The following B3GLCT variants were observed in gnomAD, a reference collection of about 807,000 sequenced individuals.
The protein encoded by B3GLCT is beta-1,3-glucosyltransferase.
In B3GLCT, 65 loss-of-function variants were observed where a neutral mutation model predicts 63.4. The observed-to-expected ratio is 1.03, with a 90% CI of 0.84 to 1.26. The LOEUF is 1.26. Among genes scored for constraint, B3GLCT ranks in the 50% most tolerant of loss-of-function variants. The pLI, the probability that B3GLCT is intolerant of heterozygous loss-of-function variation, is 0.00. For synonymous variants in B3GLCT, 233 were observed against 219.2 expected (o/e 1.06, Z -0.55); for missense variants, 577 against 604.8 (o/e 0.95, Z 0.48).
In B3GLCT at chr13:31,329,752, T is replaced by G. The variant is rs1875821976; in HGVS notation, c.*84T>G. On this transcript the variant is annotated 3_prime_UTR_variant, in exon 15 of 15. Coordinates refer to ENST00000343307, the MANE Select transcript of B3GLCT (RefSeq NM_194318.4). The stretch of plus-strand genomic sequence containing the variant: ...TCCCACTGTGCTGTGCTCACAACAC[T>G]TGTGTCTGCCACATGGCATTGGGTG... 6.8e-7 allele frequency: 1 copy of G among 1,460,766 alleles called. No individual in the cohort carries two copies. Among genetic ancestry groups the G allele is most frequent in the Non-Finnish European group, 9.5e-7 (1 of 1,049,382 alleles). The allele number at this position is 1,460,766 out of a possible 1,614,324, so 90.5% of individuals were successfully genotyped here.
intron 2 of B3GLCT, among the ~76,000 whole-genome samples, chr13:31,218,967 GT>G (rs1008808093): frequency 2.5e-4 from 37 of 150,658 alleles, no homozygotes; most frequent in African/African-American, 8.8e-4. Context: ...TGATCATGTG[GT>G]TTTTGAAAAA....
rs1868555554 is a variant in B3GLCT, at chr13:31,200,118, C to T, written c.34C>T (p.Pro12Ser). Residue 12 changes from proline (P) to serine (S), a missense_variant, in exon 1 of 15, where the codon CCG (proline) becomes TCG (serine). By Grantham distance (74) the Pro-to-Ser change is moderately conservative. Coordinates refer to ENST00000343307, the MANE Select transcript of B3GLCT (RefSeq NM_194318.4). ...RPPACWWLLAPPALLALLTCS... is the reference protein window; with the variant it reads ...RPPACWWLLASPALLALLTCS... ...GCCCGCCTGCTGGTGGCTGCTCGCG[C>T]CGCCGGCGCTGCTCGCGCTCCTCAC... 7.3e-7 allele frequency: 1 copy of T among 1,376,994 alleles called. No homozygotes were observed. Among genetic ancestry groups the T allele is most frequent in the Non-Finnish European group, 9.5e-7 (1 of 1,055,642 alleles). 85.3% of individuals were successfully genotyped at this position (1,376,994 alleles called of 1,614,324 possible).
chr13:31,211,454 T>C (rs1044071352), intron 1 of B3GLCT, among the ~76,000 whole-genome samples: 6 of 152,210 alleles, frequency 3.9e-5, no homozygotes, highest in African/African-American at 1.4e-4. Context: ...TATGATTTGC[T>C]CCTACAACTG....
intron 10 of B3GLCT, chr13:31,283,419 C>CT (rs1330933095): frequency 2.0e-5 from 3 of 152,124 alleles, no homozygotes; most frequent in Admixed American, 1.3e-4. Context: ...TTTAACATTT[C>CT]TTTTTTCCTT....
rs766874063 is a variant in B3GLCT, at chr13:31,213,374, G to C, written c.71-1677G>C. Among the ~76,000 whole-genome samples, 3 of 152,278 alleles carry C rather than the reference G, an allele frequency of 2.0e-5. No individual in the cohort carries two copies. The East Asian group carries it at 5.8e-4, about 29-fold the overall frequency. On this transcript the variant is annotated intron_variant, in intron 1 of 14. Coordinates refer to ENST00000343307, the MANE Select transcript of B3GLCT (RefSeq NM_194318.4). ...GGGTGCTGAGTTGGGCGGCTTGCCT[G>C]AGCCCAGGAATTTGAGGCCAGCCTG...
intron 4 of B3GLCT, 70 bp from the exon 5 acceptor site, chr13:31,246,951 CTT>C (rs66466340): frequency 4.2e-3 from 3,230 of 773,286 alleles, no homozygotes; most frequent in Non-Finnish European, 5.0e-3. Flanking sequence ...CTTTTCTTTT[CTT>C]TTTTTTTTTT....
At chr13:31,318,958 A>G (rs1405837276) in intron 13 of B3GLCT, among the ~76,000 whole-genome samples, 1 of 152,144 alleles carries the variant, frequency 6.6e-6, no homozygotes, top group Non-Finnish European at 1.5e-5. Flanking sequence ...TGTTTCCAAG[A>G]CTGGCACTCA....
intron 12 of B3GLCT, among the ~76,000 whole-genome samples, chr13:31,293,935 T>C (rs372235658): frequency 6.6e-5 from 10 of 152,224 alleles, no homozygotes; most frequent in Non-Finnish European, 1.5e-4. Flanking sequence ...GTTTTTGCAG[T>C]GGCTGGTACC....
At chr13:31,239,567 CTTATA>C (rs1311809707) in intron 4 of B3GLCT, among the ~76,000 whole-genome samples, 1 of 151,836 alleles carries the variant, frequency 6.6e-6, no homozygotes, top group Non-Finnish European at 1.5e-5. Context: ...TGTAAAAATT[CTTATA>C]TTAAATATTT....
At chr13:31,275,572 A>G (rs536236182) in intron 9 of B3GLCT, among the ~76,000 whole-genome samples, 33 of 152,266 alleles carry the variant, frequency 2.2e-4, no homozygotes, top group African/African-American at 6.5e-4. Flanking sequence ...TTTCATCTCA[A>G]TGACAGCCAT....
intron 14 of B3GLCT, among the ~76,000 whole-genome samples, chr13:31,329,192 C>T (rs1875788792): frequency 6.6e-6 from 1 of 152,112 alleles, no homozygotes; most frequent in South Asian, 2.1e-4. Context: ...ATAATAGTAA[C>T]TTAAATGGCT....
intron 4 of B3GLCT, among the ~76,000 whole-genome samples, chr13:31,237,020 G>A (rs981101919): frequency 6.6e-6 from 1 of 151,986 alleles, no homozygotes. Flanking sequence ...CAGCTACTCT[G>A]GAGGCAGAGG....
intron 12 of B3GLCT, among the ~76,000 whole-genome samples, chr13:31,298,044 A>T (rs7991707): frequency 2.0e-5 from 3 of 152,034 alleles, no homozygotes; most frequent in African/African-American, 7.3e-5. Flanking sequence ...GCCACTGATG[A>T]TCAACTTGAC....
Position 31,213,048 on chromosome 13 carries a change from G to A in B3GLCT, c.71-2003G>A, listed in dbSNP as rs535404794. Among the ~76,000 whole-genome samples the A allele has an allele frequency of 9.9e-4, 149 of 150,502 alleles. 2 individuals are homozygous for A. Among genetic ancestry groups the A allele is most frequent in the African/African-American group, 3.4e-3 (135 of 39,854 alleles). ...TGTGTGTGTGTGTGCACGCGTGCGC[G>A]TGTGTGTGTATGTGTGTGTAAAGTG... On this transcript the variant is annotated intron_variant, in intron 1 of 14. Coordinates refer to ENST00000343307, the MANE Select transcript of B3GLCT (RefSeq NM_194318.4).
chr13:31,298,495 C>T (rs1874067400), intron 12 of B3GLCT, among the ~76,000 whole-genome samples: 1 of 152,204 alleles, frequency 6.6e-6, no homozygotes, highest in East Asian at 1.9e-4. Flanking sequence ...TTTTAGATAT[C>T]TGTTATAATT....
intron 12 of B3GLCT, among the ~76,000 whole-genome samples, chr13:31,308,306 C>T (rs1874488250): frequency 2.7e-5 from 1 of 36,364 alleles, no homozygotes; most frequent in Non-Finnish European, 6.0e-5. Flanking sequence ...ACAATGTGCA[C>T]ATGTACCCTA....
chr13:31,322,634 CTG>C (rs555682336), intron 13 of B3GLCT, among the ~76,000 whole-genome samples: 24 of 152,130 alleles, frequency 1.6e-4, no homozygotes, highest in Non-Finnish European at 3.5e-4. Flanking sequence ...TAATGTAAGA[CTG>C]TGTGAGTAGG....
chr13:31,296,101 C>T (rs971397815), intron 12 of B3GLCT, among the ~76,000 whole-genome samples: 15 of 152,284 alleles, frequency 9.9e-5, no homozygotes, highest in Admixed American at 2.0e-4. Context: ...CCAGGTAAGG[C>T]GACGCACCCA....
intron 12 of B3GLCT, among the ~76,000 whole-genome samples, chr13:31,299,780 A>C (rs1352164869): frequency 6.6e-6 from 1 of 152,184 alleles, no homozygotes; most frequent in Non-Finnish European, 1.5e-5. Context: ...AAACCTGGAA[A>C]GGGGCTCTTC....
Sources: gnomAD v4.1 joint callset for allele counts (sites outside exome capture counted in the v4.1 genomes callset) on GRCh38, gnomAD v4.1.1 for gene constraint, MANE v1.5 for transcripts, NCBI Gene and HGNC (gene_info 2026-07-23, HGNC 2026-07-21) for gene names.